The following GDAP1L1 variants were observed in gnomAD, a reference collection of about 807,000 sequenced individuals.
The protein encoded by GDAP1L1 is ganglioside induced differentiation associated protein 1 like 1.
Under a neutral mutation model 37.1 loss-of-function variants are expected in GDAP1L1, and 21 were observed. The ratio of observed to expected loss-of-function variants is 0.57; its 90% confidence interval spans 0.40 to 0.81. The LOEUF (loss-of-function observed/expected upper bound fraction) is 0.81, where lower values mean the gene tolerates loss of function less well. Among genes scored for constraint, GDAP1L1 ranks in the 40% least tolerant of loss-of-function variants. The pLI is 0.00. For synonymous variants in GDAP1L1, 193 were observed against 209.1 expected, an observed-to-expected ratio of 0.92 and a Z score of 0.67; for missense variants, 362 against 491.6, an observed-to-expected ratio of 0.74 and a Z score of 2.49.
chr20:44,271,732 A>G (rs1217580519), intron 5 of GDAP1L1, among the ~76,000 whole-genome samples: 2 of 152,158 alleles, frequency 1.3e-5, no homozygotes, highest in African/African-American at 4.8e-5. Flanking sequence ...AGTGCAGTAG[A>G]AAGGGGGAAT....
intron 1 of GDAP1L1, among the ~76,000 whole-genome samples, 179 bp downstream of exon 1, chr20:44,247,693 G>T (rs184392088): frequency 1.5e-4 from 23 of 151,058 alleles, no homozygotes; most frequent in African/African-American, 5.6e-4. Context: ...GAAGCGACAG[G>T]CCCTGTCTGG....
At position 44,264,437 on chromosome 20, in the gene GDAP1L1, GC is replaced by G; in HGVS notation, c.646-3del. On this transcript the variant is annotated splice_region_variant and splice_polypyrimidine_tract_variant and intron_variant, in intron 4 of 5. Transcript: ENST00000342560. ...ACTCAGCTTCTCTTGGCCCTGTCCT[GC>G]CCCCAGGCCAAGATCTTGGAGCATG... 6.7e-7 allele frequency: 1 copy of G among 1,483,644 alleles called. No individual in the cohort carries two copies. 91.9% of individuals were successfully genotyped at this position (1,483,644 alleles called of 1,614,324 possible). A position where few individuals can be genotyped will look rare whatever the true frequency, so the allele number is the denominator to read the frequency against.
intron 1 of GDAP1L1, among the ~76,000 whole-genome samples, chr20:44,249,587 A>G (rs2073400542): frequency 6.6e-6 from 1 of 152,214 alleles, no homozygotes; most frequent in African/African-American, 2.4e-5. Context: ...TCCCACAACC[A>G]TATCATGAGG....
At chr20:44,247,583 A>G (rs1282007151) in intron 1 of GDAP1L1, 69 bp downstream of exon 1, 11 of 1,361,776 alleles carry the variant, frequency 8.1e-6, no homozygotes, top group Non-Finnish European at 1.1e-5. Flanking sequence ...CCAGGGCTTG[A>G]GGGATCTGAG....
rs145951030 is a variant in GDAP1L1 at position 44,264,124 on chromosome 20, C to T, written c.646-321C>T. ...CTACAGATTGTTGGAGGGAGGGGTG[C>T]GGGCCGGTAACCTCCCAGGTATTTG... On this transcript the variant is annotated intron_variant, in intron 4 of 5. Coordinates refer to ENST00000342560, the MANE Select transcript of GDAP1L1 (RefSeq NM_024034.6). Among the ~76,000 whole-genome samples the T allele has an allele frequency of 2.1e-4, 32 of 152,226 alleles. No individual in the cohort carries two copies. The South Asian group carries it at 4.3e-3, about 21-fold the overall frequency.
At chr20:44,255,474 G>A (rs532690366) in intron 1 of GDAP1L1, among the ~76,000 whole-genome samples, 152 of 148,992 alleles carry the variant, frequency 1.0e-3, no homozygotes, top group Non-Finnish European at 1.7e-3. Context: ...CCCAGGAGGC[G>A]GAGGTTGCAG....
intron 2 of GDAP1L1, 137 bp downstream of exon 2, chr20:44,257,482 A>G (rs778427551): frequency 2.8e-5 from 25 of 899,162 alleles, no homozygotes; most frequent in Admixed American, 8.5e-5. Flanking sequence ...AGTCTCCCCA[A>G]AAAGGAGCCA....
intron 1 of GDAP1L1, among the ~76,000 whole-genome samples, chr20:44,254,424 C>A (rs2073501651): frequency 6.6e-6 from 1 of 152,216 alleles, no homozygotes; most frequent in Admixed American, 6.5e-5. Context: ...AACAGTTTTT[C>A]CCCCTCTCTC....
intron 2 of GDAP1L1, 148 bp downstream of exon 2, chr20:44,257,493 C>T (rs749605392): frequency 1.5e-4 from 123 of 819,104 alleles, no homozygotes; most frequent in Non-Finnish European, 2.2e-4. Flanking sequence ...AAAGGAGCCA[C>T]AGAGCCACAG....
intron 5 of GDAP1L1, among the ~76,000 whole-genome samples, chr20:44,274,457 GC>G (rs368541468): frequency 2.6e-5 from 4 of 152,064 alleles, no homozygotes; most frequent in African/African-American, 9.7e-5. Flanking sequence ...CTCCAAACCA[GC>G]TTTTAAGTCA....
At chr20:44,270,047 T>C (rs2062496719) in intron 5 of GDAP1L1, among the ~76,000 whole-genome samples, 5 of 152,028 alleles carry the variant, frequency 3.3e-5, no homozygotes, top group Middle Eastern at 3.4e-3. Context: ...TTTAAAGCTA[T>C]AGAATTGGAT....
At chr20:44,270,941 C>CAAG (rs966530554) in intron 5 of GDAP1L1, among the ~76,000 whole-genome samples, 2 of 152,164 alleles carry the variant, frequency 1.3e-5, no homozygotes, top group Non-Finnish European at 2.9e-5. Context: ...AGGAGTATAT[C>CAAG]AAGTGATTTG....
chr20:44,255,891 G>T (rs2073531986), intron 1 of GDAP1L1, among the ~76,000 whole-genome samples: 1 of 152,184 alleles, frequency 6.6e-6, no homozygotes, highest in Non-Finnish European at 1.5e-5. Context: ...CCACAGGCAG[G>T]GGGCAATAGG....
chr20:44,264,556 G>C lies in GDAP1L1; in HGVS notation c.757G>C (p.Glu253Gln), dbSNP rs370507208. 1.5e-5 allele frequency: 24 copies of C among 1,610,528 alleles called. No individual in the cohort carries two copies. The highest frequency in any genetic ancestry group is 2.0e-5 in the Non-Finnish European group (24 of 1,177,934). The stretch of plus-strand genomic sequence containing the variant: ...GCTGGAGAAGAGGAAGCTGGAGAAC[G>C]AGGGTGGGTGCCAGCCCTGGGGGAG... ...AELEKRKLEN[E>Q]GQKCELWLCG... The change falls in exon 5 of 6, where the codon GAG becomes CAG. Residue 253 changes from glutamate (E) to glutamine (Q), a missense_variant. Coordinates refer to ENST00000342560, the MANE Select transcript of GDAP1L1 (RefSeq NM_024034.6).
intron 1 of GDAP1L1, among the ~76,000 whole-genome samples, chr20:44,249,504 C>A (rs74173197): frequency 6.6e-6 from 1 of 152,174 alleles, no homozygotes; most frequent in African/African-American, 2.4e-5. Context: ...GAGTCTAGAA[C>A]TTCCTCCCCG....
Position 44,275,230 on chromosome 20 carries a change from C to A in GDAP1L1, c.761-3727C>A, listed in dbSNP as rs62205991. On this transcript the variant is annotated intron_variant, in intron 5 of 5. Coordinates refer to ENST00000342560, the MANE Select transcript of GDAP1L1 (RefSeq NM_024034.6). ...TTGAAGATTACCTATTCAAGGATAA[C>A]CTTCTGATGAGAGCCTTCATTACAC... Among the ~76,000 whole-genome samples, 1,126 of 152,266 alleles carry A rather than the reference C, an allele frequency of 7.4e-3. 16 individuals carry two copies. Among genetic ancestry groups the A allele is most frequent in the East Asian group, 0.052 (268 of 5,180 alleles).
At chr20:44,266,257 C>A (rs1459569591) in intron 5 of GDAP1L1, among the ~76,000 whole-genome samples, 2 of 151,904 alleles carry the variant, frequency 1.3e-5, no homozygotes, top group African/African-American at 4.8e-5. Context: ...GCAGTGAACT[C>A]AGATTGCGCC....
At chr20:44,253,054 G>A (rs1008136115) in intron 1 of GDAP1L1, among the ~76,000 whole-genome samples, 41 of 152,134 alleles carry the variant, frequency 2.7e-4, no homozygotes, top group Admixed American at 7.9e-4. Context: ...CCACCTTCTC[G>A]AGAGGCCTGC....
chr20:44,263,370 C>T (rs1446292309), intron 4 of GDAP1L1, 43 bp downstream of exon 4: 12 of 1,300,046 alleles, frequency 9.2e-6, no homozygotes, highest in Admixed American at 1.7e-5. Context: ...CCTACGAGCT[C>T]TTCCACGGAA....
Sources: allele counts gnomAD v4.1 joint callset (sites outside exome capture counted in the v4.1 genomes callset), GRCh38; gene constraint gnomAD v4.1.1; transcripts MANE v1.5; gene names NCBI Gene and HGNC (gene_info 2026-07-23, HGNC 2026-07-21).